The following NCAM1 variants were observed in gnomAD, a reference collection of about 807,000 sequenced individuals.
NCAM1 encodes the protein antigen recognized by monoclonal antibody 5.1H11.
In NCAM1, 14 loss-of-function variants were observed where a neutral mutation model predicts 109.8. That is an observed-to-expected ratio of 0.13 (90% CI 0.08 to 0.20). The LOEUF (loss-of-function observed/expected upper bound fraction) is 0.20. Among genes scored for constraint, NCAM1 ranks in the 10% least tolerant of loss-of-function variants. The probability of loss-of-function intolerance (pLI) is 1.00; values close to 1 mark genes in which losing one functional copy is unlikely to be tolerated. For missense variants in NCAM1, 774 were observed against 1,109.9 expected (o/e 0.70, Z 4.30); for synonymous variants, 418 against 442.9 (o/e 0.94, Z 0.70).
chr11:113,125,556 T>C (rs1941140302), intron 1 of NCAM1, among the ~76,000 whole-genome samples: 1 of 152,222 alleles, frequency 6.6e-6, no homozygotes, highest in Non-Finnish European at 1.5e-5. Context: ...CTATTGGCTT[T>C]CAGCAGACAA....
intron 17 of NCAM1, among the ~76,000 whole-genome samples, chr11:113,262,131 T>A (rs1946022725): frequency 2.0e-5 from 3 of 152,144 alleles, no homozygotes. Context: ...CCTCTCTGAA[T>A]TACAAGTTGG....
chr11:112,986,236 C>T (rs1258812989), intron 1 of NCAM1, among the ~76,000 whole-genome samples: 1 of 151,824 alleles, frequency 6.6e-6, no homozygotes, highest in Non-Finnish European at 1.5e-5. Flanking sequence ...TCTGTTGAAC[C>T]ATGCTTGTTT....
chr11:113,251,467 A>C (rs537866014), intron 15 of NCAM1, among the ~76,000 whole-genome samples: 1 of 152,236 alleles, frequency 6.6e-6, no homozygotes, highest in African/African-American at 2.4e-5. Flanking sequence ...CCTATGATAT[A>C]TCTGACTATA....
chr11:112,991,240 T>C (rs956059689), intron 1 of NCAM1, among the ~76,000 whole-genome samples: 4 of 152,140 alleles, frequency 2.6e-5, no homozygotes, highest in African/African-American at 7.2e-5. Context: ...TTAAATTTAA[T>C]AGGAATAAAA....
chr11:113,025,039 C>T (rs530184892), intron 1 of NCAM1, among the ~76,000 whole-genome samples: 241 of 152,288 alleles, frequency 1.6e-3, no homozygotes, highest in Non-Finnish European at 2.4e-3. Context: ...AGCTTCCAAA[C>T]GGTCTCATCA....
chr11:113,175,293 C>G (rs1555106847), intron 1 of NCAM1, among the ~76,000 whole-genome samples: 2 of 152,158 alleles, frequency 1.3e-5, no homozygotes, highest in African/African-American at 4.8e-5. Context: ...CAAGAGATGG[C>G]GGCTGTGTGT....
rs1408144573 is a variant in NCAM1, at chr11:113,275,980, CTTATT to C, written c.*598_*602del. On this transcript the variant is annotated 3_prime_UTR_variant, in exon 20 of 20. Coordinates refer to ENST00000316851, the MANE Select transcript of NCAM1 (RefSeq NM_181351.5). The stretch of plus-strand genomic sequence containing the variant: ...GCTGAATTCAATTCCCACGTAGACT[CTTATT>C]TTATAGGACGAATGCCAAATTGCAG... The C allele has an allele frequency of 2.0e-5, 3 of 152,738 alleles. No individual in the cohort carries two copies. The highest frequency in any genetic ancestry group is 7.2e-5 in the African/African-American group (3 of 41,560). The allele number at this position is 152,738 out of a possible 1,614,324, so 9.5% of individuals were successfully genotyped here.
chr11:113,162,498 A>T (rs17510563), intron 1 of NCAM1, among the ~76,000 whole-genome samples: 3 of 152,096 alleles, frequency 2.0e-5, no homozygotes, highest in African/African-American at 7.2e-5. Flanking sequence ...CCTAATAACT[A>T]CTGGAGGTGA....
intron 1 of NCAM1, among the ~76,000 whole-genome samples, chr11:113,037,417 TC>T (rs1181517590): frequency 6.6e-6 from 1 of 152,056 alleles, no homozygotes; most frequent in Admixed American, 6.5e-5. Context: ...GTCCCTCCTC[TC>T]GTCTCCTTGA....
chr11:113,185,227 G>T (rs1323553645), intron 1 of NCAM1, among the ~76,000 whole-genome samples: 1 of 151,860 alleles, frequency 6.6e-6, no homozygotes, highest in East Asian at 1.9e-4. Context: ...CTGAGTCCAA[G>T]AACCAAGAGA....
intron 1 of NCAM1, among the ~76,000 whole-genome samples, chr11:112,984,516 G>T (rs553721851): frequency 6.6e-6 from 1 of 151,944 alleles, no homozygotes; most frequent in Non-Finnish European, 1.5e-5. Flanking sequence ...CCCACCAACA[G>T]TGTACAAGGG....
At chr11:113,175,982 CTCCCAAAATATGTATACATATTATATA>C (rs1382638815) in intron 1 of NCAM1, among the ~76,000 whole-genome samples, 2 of 152,154 alleles carry the variant, frequency 1.3e-5, no homozygotes, top group African/African-American at 2.4e-5. Flanking sequence ...ATCGCATGTA[CTCCCAAAATATGTATACATATTATATA>C]TCAATAATAC....
chr11:113,121,734 T>G (rs1482878273), intron 1 of NCAM1, among the ~76,000 whole-genome samples: 1 of 152,076 alleles, frequency 6.6e-6, no homozygotes, highest in East Asian at 1.9e-4. Context: ...GAAAATAGAA[T>G]CAACTCAGAA....
At chr11:113,262,960 C>T in intron 17 of NCAM1, 2 of 1,602,090 alleles carry the variant, frequency 1.2e-6, no homozygotes, top group African/African-American at 1.3e-5. Context: ...TGCTTAAAAG[C>T]CCAGTTCCTA....
intron 1 of NCAM1, among the ~76,000 whole-genome samples, chr11:113,179,926 G>C (rs920806836): frequency 1.3e-5 from 2 of 152,146 alleles, no homozygotes; most frequent in Admixed American, 6.5e-5. Context: ...ATATTCTAGA[G>C]TCAAAGAATA....
intron 1 of NCAM1, among the ~76,000 whole-genome samples, chr11:113,034,082 T>C (rs781919679): frequency 6.6e-6 from 1 of 152,230 alleles, no homozygotes; most frequent in African/African-American, 2.4e-5. Context: ...GTCTTTCATT[T>C]TGTGCTGTTG....
intron 19 of NCAM1, among the ~76,000 whole-genome samples, chr11:113,272,232 T>G (rs1244311177): frequency 6.6e-6 from 1 of 152,156 alleles, no homozygotes; most frequent in Non-Finnish European, 1.5e-5. Flanking sequence ...TTCTAGGGTT[T>G]TGTGTTTTCC....
At chr11:113,043,766 T>G (rs1555080344) in intron 1 of NCAM1, among the ~76,000 whole-genome samples, 1 of 152,154 alleles carries the variant, frequency 6.6e-6, no homozygotes, top group Non-Finnish European at 1.5e-5. Context: ...TGTCCAGCTT[T>G]CCAGCTTGTA....
chr11:113,019,277 C>G (rs1408010610), intron 1 of NCAM1, among the ~76,000 whole-genome samples: 1 of 152,082 alleles, frequency 6.6e-6, no homozygotes, highest in Non-Finnish European at 1.5e-5. Context: ...CCAAGGAGTT[C>G]TTAGTTCTAA....
Sources: allele counts gnomAD v4.1 joint callset (sites outside exome capture counted in the v4.1 genomes callset), GRCh38; gene constraint gnomAD v4.1.1; transcripts MANE v1.5; gene names NCBI Gene and HGNC (gene_info 2026-07-23, HGNC 2026-07-21).